The following RBFOX3 variants were observed in gnomAD, a reference collection of about 807,000 sequenced individuals.
RBFOX3 encodes RNA binding fox-1 homolog 3.
A neutral mutation model predicts 48.7 loss-of-function variants in RBFOX3; 17 were observed. The ratio of observed to expected loss-of-function variants is 0.35; its 90% CI spans 0.24 to 0.52. The LOEUF (loss-of-function observed/expected upper bound fraction) is 0.52, where lower values mean the gene tolerates loss of function less well. Among genes scored for constraint, RBFOX3 ranks in the 20% least tolerant of loss-of-function variants. The pLI is 0.94. For missense variants in RBFOX3, 382 were observed against 497.5 expected, an observed-to-expected ratio of 0.77 and a Z score of 2.21; for synonymous variants, 212 against 209.5, an observed-to-expected ratio of 1.01 and a Z score of -0.10.
At chr17:79,097,189 T>A in intron 11 of RBFOX3, 103 bp downstream of exon 11, 2 of 822,158 alleles carry the variant, frequency 2.4e-6, no homozygotes, top group Non-Finnish European at 1.8e-6. Flanking sequence ...CCCCCAGGTC[T>A]GGAAAGGCTG....
At chr17:79,112,911 G>GGGGA (rs2032444645) in intron 5 of RBFOX3, among the ~76,000 whole-genome samples, 1 of 136,476 alleles carries the variant, frequency 7.3e-6, no homozygotes, top group African/African-American at 2.8e-5. Flanking sequence ...TCTCGGGGGG[G>GGGGA]GGGTGGGCTG....
chr17:79,442,311 GA>G (rs1555735455), intron 2 of RBFOX3, among the ~76,000 whole-genome samples: 11 of 27,020 alleles, frequency 4.1e-4, no homozygotes, highest in African/African-American at 1.3e-3. Flanking sequence ...GAGGGAGAGA[GA>G]GGGAGTGAGG....
At chr17:79,634,139 G>A in the RBFOX3 span, among the ~76,000 whole-genome samples, 1 of 152,120 alleles carries the variant, frequency 6.6e-6, no homozygotes, top group Non-Finnish European at 1.5e-5. Flanking sequence ...TGGAGGCCAG[G>A]GCCACCTCCA....
At position 79,092,037 on chromosome 17, in the gene RBFOX3, GC is replaced by G. The variant is rs1479217463; in HGVS notation, c.1078-1153del. The G allele has an allele frequency of 6.1e-6, 6 of 985,360 alleles. No homozygotes were observed. In the African/African-American group the frequency reaches 1.0e-4, roughly 17 times the overall value. 61.0% of individuals were successfully genotyped at this position (985,360 alleles called of 1,614,324 possible). A position where few individuals can be genotyped will look rare whatever the true frequency, so the allele number is the denominator to read the frequency against. On this transcript the variant is annotated intron_variant, in intron 14 of 14. Transcript: ENST00000693108. Reference sequence around the variant, plus strand: ...TACTCCTGTGGTTGGCTGGGTGAAGGCCTGCGGGAGCACCCTCAGGCCGGGG... The same window carrying G: ...TACTCCTGTGGTTGGCTGGGTGAAGGCTGCGGGAGCACCCTCAGGCCGGGG...
At chr17:79,556,408 C>A (rs2091763913) in intron 1 of RBFOX3, among the ~76,000 whole-genome samples, 1 of 152,030 alleles carries the variant, frequency 6.6e-6, no homozygotes, top group Non-Finnish European at 1.5e-5. Flanking sequence ...ATTTGAAGGG[C>A]CGAGGAGGGG....
At chr17:79,457,031 A>G (rs1263628243) in intron 2 of RBFOX3, among the ~76,000 whole-genome samples, 4 of 152,234 alleles carry the variant, frequency 2.6e-5, no homozygotes, top group African/African-American at 9.6e-5. Flanking sequence ...AGAGAAGATA[A>G]TGAGATAGGT....
intron 4 of RBFOX3, among the ~76,000 whole-genome samples, chr17:79,228,222 G>A (rs951054343): frequency 1.3e-5 from 2 of 152,142 alleles, no homozygotes; most frequent in Non-Finnish European, 2.9e-5. Context: ...TGGGCTCTCC[G>A]TGTTCCCTCC....
intron 2 of RBFOX3, among the ~76,000 whole-genome samples, chr17:79,449,416 G>A (rs2073027846): frequency 6.6e-6 from 1 of 151,852 alleles, no homozygotes; most frequent in South Asian, 2.1e-4. Context: ...CCTGCCTCCA[G>A]GTGAGTCTGC....
intron 1 of RBFOX3, among the ~76,000 whole-genome samples, chr17:79,585,252 T>C (rs977127488): frequency 1.9e-3 from 292 of 152,136 alleles, no homozygotes; most frequent in Non-Finnish European, 3.3e-3. Context: ...AATAAAAAAA[T>C]TAAACAATTA....
chr17:79,595,132 G>A (rs1482769240), intron 1 of RBFOX3, among the ~76,000 whole-genome samples: 3 of 128,672 alleles, frequency 2.3e-5, no homozygotes, highest in South Asian at 2.8e-4. Flanking sequence ...CCCCACCCCC[G>A]CCTGGAGAGC....
At chr17:79,584,953 G>A (rs2093197879) in intron 1 of RBFOX3, among the ~76,000 whole-genome samples, 1 of 151,898 alleles carries the variant, frequency 6.6e-6, no homozygotes, top group African/African-American at 2.4e-5. Flanking sequence ...TTTTAGTAGA[G>A]ACGGGATTTC....
At chr17:79,376,478 G>A (rs1419604051) in intron 2 of RBFOX3, among the ~76,000 whole-genome samples, 3 of 152,186 alleles carry the variant, frequency 2.0e-5, no homozygotes, top group Admixed American at 2.0e-4. Context: ...CTGGGCCTCA[G>A]GTGGGAACCC....
chr17:79,393,702 C>T (rs1044523997), intron 2 of RBFOX3, among the ~76,000 whole-genome samples: 4 of 150,676 alleles, frequency 2.7e-5, no homozygotes, highest in East Asian at 3.9e-4. Context: ...CCGGTCATCA[C>T]GCACATCTGA....
At chr17:79,105,974 A>G (rs911913114) in intron 6 of RBFOX3, among the ~76,000 whole-genome samples, 4 of 152,138 alleles carry the variant, frequency 2.6e-5, no homozygotes, top group African/African-American at 9.7e-5. Flanking sequence ...CAATAACAAC[A>G]AAGTGACCCA....
chr17:79,125,917 A>G (rs1675267), intron 4 of RBFOX3, among the ~76,000 whole-genome samples: 87,341 of 152,152 alleles, frequency 0.57, 25,854 homozygotes, highest in Non-Finnish European at 0.64. Context: ...TGTGCCACCC[A>G]TGCAGGTCAC....
chr17:79,237,509 T>C (rs2061774848), intron 3 of RBFOX3, among the ~76,000 whole-genome samples: 1 of 152,170 alleles, frequency 6.6e-6, no homozygotes, highest in South Asian at 2.1e-4. Context: ...CATCTGCCTG[T>C]CTCACCCACA....
At chr17:79,319,945 T>C (rs575347807) in intron 2 of RBFOX3, among the ~76,000 whole-genome samples, 27 of 145,510 alleles carry the variant, frequency 1.9e-4, no homozygotes, top group African/African-American at 7.0e-4. Context: ...CTGTTGGTCT[T>C]GTCCAGGCTG....
chr17:79,419,557 C>T (rs2065908465), intron 2 of RBFOX3, among the ~76,000 whole-genome samples: 1 of 152,226 alleles, frequency 6.6e-6, no homozygotes, highest in African/African-American at 2.4e-5. Flanking sequence ...TTCACAAACG[C>T]CTGCAGCTCT....
chr17:79,371,741 C>T (rs1568129024), intron 2 of RBFOX3, among the ~76,000 whole-genome samples: 1 of 152,182 alleles, frequency 6.6e-6, no homozygotes. Context: ...GATGGCAGAT[C>T]CTGCAAGTGG....
Sources: allele counts gnomAD v4.1 joint callset (sites outside exome capture counted in the v4.1 genomes callset), GRCh38; gene constraint gnomAD v4.1.1; transcripts MANE v1.5; gene names NCBI Gene and HGNC (gene_info 2026-07-23, HGNC 2026-07-21).